DOCK7: variants seen among roughly 807,000 people sequenced by gnomAD.
The protein encoded by DOCK7 is dedicator of cytokinesis protein 7.
DOCK7 carries 138 observed loss-of-function variants against 271.0 expected under a neutral mutation model. The observed-to-expected ratio is 0.51, with a 90% confidence interval of 0.44 to 0.59. DOCK7 has a LOEUF of 0.59. DOCK7 is among the 20% of genes least tolerant of loss of function. The pLI is 0.00. For synonymous variants in DOCK7, 823 were observed against 876.1 expected, an observed-to-expected ratio of 0.94 and a Z score of 1.07; for missense variants, 2,066 against 2,592.4, an observed-to-expected ratio of 0.80 and a Z score of 4.41.
intron 31 of DOCK7, chr1:62,516,813 G>C (rs1354532387): frequency 6.6e-6 from 1 of 152,334 alleles, no homozygotes; most frequent in Non-Finnish European, 1.5e-5. Flanking sequence ...CACTTGCCAT[G>C]TCTGCCCCTT....
At chr1:62,625,520 T>C (rs1653836517) in intron 11 of DOCK7, 119 bp from the exon 12 acceptor site, 5 of 981,966 alleles carry the variant, frequency 5.1e-6, no homozygotes, top group South Asian at 3.8e-5. Flanking sequence ...GCATATCAAG[T>C]ATAGTAGGAG....
chr1:62,629,943 G>A (rs1046194487), intron 11 of DOCK7, among the ~76,000 whole-genome samples: 5 of 152,164 alleles, frequency 3.3e-5, no homozygotes, highest in Non-Finnish European at 4.4e-5. Context: ...AAAATAAGTA[G>A]GATAATTATT....
chr1:62,472,968 CG>C (rs1645872491), intron 48 of DOCK7, among the ~76,000 whole-genome samples: 1 of 152,146 alleles, frequency 6.6e-6, no homozygotes, highest in South Asian at 2.1e-4. Context: ...GCAGAGGACC[CG>C]TTGAAGCTTG....
At chr1:62,548,282 A>C (rs1645778295) in intron 22 of DOCK7, among the ~76,000 whole-genome samples, 1 of 152,130 alleles carries the variant, frequency 6.6e-6, no homozygotes, top group Non-Finnish European at 1.5e-5. Flanking sequence ...CTGGTTATAC[A>C]TTTAAATAAG....
chr1:62,567,247 CAT>C (rs773128837), intron 18 of DOCK7, among the ~76,000 whole-genome samples: 15 of 152,204 alleles, frequency 9.9e-5, no homozygotes, highest in South Asian at 2.1e-4. Flanking sequence ...CACATACACA[CAT>C]ATGTTTACTG....
At chr1:62,459,652 A>G (rs1021277299) in intron 48 of DOCK7, among the ~76,000 whole-genome samples, 1 of 152,212 alleles carries the variant, frequency 6.6e-6, no homozygotes, top group Non-Finnish European at 1.5e-5. Context: ...TTAGCAAAAC[A>G]GACTCAATGA....
intron 22 of DOCK7, among the ~76,000 whole-genome samples, chr1:62,546,421 CAT>C (rs1408338981): frequency 6.6e-6 from 1 of 152,048 alleles, no homozygotes; most frequent in East Asian, 1.9e-4. Flanking sequence ...CATTTCTAAT[CAT>C]TTTTGACAGT....
chr1:62,603,223 C>A (rs1470744808), intron 14 of DOCK7, among the ~76,000 whole-genome samples: 2 of 151,590 alleles, frequency 1.3e-5, no homozygotes, highest in African/African-American at 4.8e-5. Context: ...AAGAAAGCAA[C>A]CCATTTGTAC....
intron 17 of DOCK7, among the ~76,000 whole-genome samples, 185 bp from the exon 18 acceptor site, chr1:62,577,548 T>G (rs1646974763): frequency 6.6e-6 from 1 of 152,102 alleles, no homozygotes; most frequent in African/African-American, 2.4e-5. Context: ...GTTTCCCTAA[T>G]GAAATTTTAT....
intron 12 of DOCK7, among the ~76,000 whole-genome samples, chr1:62,621,806 A>G (rs1185627047): frequency 6.6e-6 from 1 of 152,240 alleles, no homozygotes; most frequent in East Asian, 1.9e-4. Flanking sequence ...ATACAGAAAT[A>G]ATATAAATTT....
At chr1:62,475,549 TTAGAAAAGAA>T in intron 46 of DOCK7, 148 bp downstream of exon 46, 1 of 1,077,760 alleles carries the variant, frequency 9.3e-7, no homozygotes. Flanking sequence ...AATTAGGGTC[TTAGAAAAGAA>T]GTAAAAAATT....
At chr1:62,601,896 A>ATTCTCCTTAGAC in intron 14 of DOCK7, 2 of 1,544,718 alleles carry the variant, frequency 1.3e-6, no homozygotes, top group Non-Finnish European at 1.8e-6. Context: ...AAACCTGTCT[A>ATTCTCCTTAGAC]AGGAGAATAG....
intron 48 of DOCK7, among the ~76,000 whole-genome samples, chr1:62,469,246 G>A (rs919067818): frequency 2.0e-5 from 3 of 152,168 alleles, no homozygotes; most frequent in Admixed American, 6.5e-5. Context: ...GAACAGAATA[G>A]AGAAGCCAGA....
At chr1:62,581,650 G>A (rs1043237344) in intron 16 of DOCK7, among the ~76,000 whole-genome samples, 2 of 152,026 alleles carry the variant, frequency 1.3e-5, no homozygotes, top group East Asian at 1.9e-4. Context: ...ATACATGTAC[G>A]ATTATTTAAG....
chr1:62,484,420 A>C (rs1404032059), intron 43 of DOCK7: 1 of 152,178 alleles, frequency 6.6e-6, no homozygotes, highest in African/African-American at 2.4e-5. Context: ...TTTTTCTGAA[A>C]AATTTAAACT....
In DOCK7 at chr1:62,575,056, G is replaced by T. The variant is rs78738260; in HGVS notation, c.2112+2206C>A. On this transcript the variant is annotated intron_variant, in intron 18 of 49. Transcript: ENST00000635253. The stretch of plus-strand genomic sequence containing the variant: ...AGAAACACTTTCTTAAAAGAGATGG[G>T]GTCTTGCTATGTTTCCCAGGCTGGA... Among the ~76,000 whole-genome samples the T allele has an allele frequency of 8.4e-3, 1,279 of 151,954 alleles. 21 individuals are homozygous for T. The highest frequency in any genetic ancestry group is 0.029 in the African/African-American group (1,211 of 41,448).
At chr1:62,646,426 A>G (rs1256045498) in intron 7 of DOCK7, among the ~76,000 whole-genome samples, 1 of 152,086 alleles carries the variant, frequency 6.6e-6, no homozygotes, top group Non-Finnish European at 1.5e-5. Context: ...TAAAGCCCTA[A>G]CCCCCAATGT....
chr1:62,547,612 G>C (rs1005816811), intron 22 of DOCK7, among the ~76,000 whole-genome samples: 1 of 152,148 alleles, frequency 6.6e-6, no homozygotes, highest in Admixed American at 6.5e-5. Context: ...ATTAAAAAAA[G>C]ATGATATATG....
At chr1:62,611,944 A>G (rs989567814) in intron 14 of DOCK7, among the ~76,000 whole-genome samples, 1 of 151,560 alleles carries the variant, frequency 6.6e-6, no homozygotes, top group African/African-American at 2.4e-5. Flanking sequence ...CAGGAGTTCG[A>G]GACATGCCTG....
Sources: gnomAD v4.1 joint callset for allele counts (sites outside exome capture counted in the v4.1 genomes callset) on GRCh38, gnomAD v4.1.1 for gene constraint, MANE v1.5 for transcripts, NCBI Gene and HGNC (gene_info 2026-07-23, HGNC 2026-07-21) for gene names.